ADSS2: variants seen among roughly 807,000 people sequenced by gnomAD.
ADSS2 encodes the protein adenylosuccinate synthase 2, also known as adenylosuccinate synthetase isozyme 2.
In ADSS2, 30 loss-of-function variants were observed where a neutral mutation model predicts 60.0. The ratio of observed to expected loss-of-function variants is 0.50; its 90% CI spans 0.37 to 0.68. The LOEUF (loss-of-function observed/expected upper bound fraction) is 0.68, where lower values mean the gene tolerates loss of function less well. ADSS2 is among the 30% of genes least tolerant of loss of function. The probability of loss-of-function intolerance (pLI) is 0.00; values close to 1 mark genes in which losing one functional copy is unlikely to be tolerated. For synonymous variants in ADSS2, 187 were observed against 193.1 expected, an observed-to-expected ratio of 0.97 and a Z score of 0.26; for missense variants, 373 against 554.8, an observed-to-expected ratio of 0.67 and a Z score of 3.29.
At chr1:244,421,874 TGAG>T (rs1282380852) in intron 7 of ADSS2, among the ~76,000 whole-genome samples, 1 of 152,058 alleles carries the variant, frequency 6.6e-6, no homozygotes, top group South Asian at 2.1e-4. Flanking sequence ...CTCGGGAGGC[TGAG>T]GAGGGAGGAT....
intron 1 of ADSS2, among the ~76,000 whole-genome samples, chr1:244,441,059 T>TC (rs1665229016): frequency 6.7e-6 from 1 of 148,416 alleles, no homozygotes; most frequent in Non-Finnish European, 1.5e-5. Flanking sequence ...CTTAACTTAG[T>TC]CTTTTTTTTT....
At chr1:244,424,426 A>G in intron 4 of ADSS2, 39 bp from the exon 5 acceptor site, 1 of 1,579,782 alleles carries the variant, frequency 6.3e-7, no homozygotes, top group South Asian at 1.1e-5. Context: ...AAACAAAGAT[A>G]ATACACAAAA....
In ADSS2 at chr1:244,432,574, C is replaced by CT; in HGVS notation, c.376dup (p.Arg126LysfsTer6). On this transcript the variant is annotated frameshift_variant, in exon 4 of 13. Transcript: ENST00000366535. LOFTEE classifies it high-confidence loss of function. Reference sequence around the variant, plus strand: ...ATGAGCTCTGTCAGATATAATAAGCCTTTTTTCCCAGCCTTCTAGTCCTAG... The same window carrying CT: ...ATGAGCTCTGTCAGATATAATAAGCCTTTTTTTCCCAGCCTTCTAGTCCTAG... 2 of 1,578,788 alleles carry CT rather than the reference C, an allele frequency of 1.3e-6. No homozygotes were observed. The highest frequency in any genetic ancestry group is 1.7e-6 in the Non-Finnish European group (2 of 1,160,224).
intron 3 of ADSS2, among the ~76,000 whole-genome samples, chr1:244,433,281 T>TA (rs1664994484): frequency 6.6e-6 from 1 of 152,142 alleles, no homozygotes; most frequent in Non-Finnish European, 1.5e-5. Flanking sequence ...ACTGAAGCAA[T>TA]CAAGTTTGTA....
At position 244,417,184 on chromosome 1, in the gene ADSS2, G is replaced by T. The variant is rs79169897; in HGVS notation, c.1070+444C>A. ...ATGCTGTTATATAGATTTCAGAGAG[G>T]ATAAAACAGAGGCAGAGGATGATTA... On this transcript the variant is annotated intron_variant, in intron 10 of 12. Transcript: ENST00000366535. Among the ~76,000 whole-genome samples, 44 of 152,248 alleles carry T rather than the reference G, an allele frequency of 2.9e-4. No homozygotes were observed. The East Asian group carries it at 7.9e-3, about 27-fold the overall frequency.
At chr1:244,437,107 AAT>A (rs1171912021) in intron 2 of ADSS2, among the ~76,000 whole-genome samples, 1 of 152,212 alleles carries the variant, frequency 6.6e-6, no homozygotes, top group Non-Finnish European at 1.5e-5. Flanking sequence ...AACAAAGTGA[AAT>A]ATGATTTTGA....
chr1:244,411,923 G>A lies in ADSS2; in HGVS notation c.1169-487C>T, dbSNP rs78674271. Among the ~76,000 whole-genome samples, 416 of 152,242 alleles carry A rather than the reference G, an allele frequency of 2.7e-3. 1 individual carries two copies. Among genetic ancestry groups the A allele is most frequent in the African/African-American group, 9.5e-3 (396 of 41,532 alleles). ...TTCTCTGTATCCCCTAATGGAAACT[G>A]AACATGTACTAAAGAAAAGTTTCTT... On this transcript the variant is annotated intron_variant, in intron 11 of 12. Coordinates refer to ENST00000366535, the MANE Select transcript of ADSS2 (RefSeq NM_001126.5).
In ADSS2 at chr1:244,451,435, C is replaced by T. The variant is rs563961591; in HGVS notation, c.183+200G>A. ...TCCTCCAGGGCCACCCCAAGTTTCA[C>T]CCGACGCTCCAGGTCAGGGGTCCCC... On this transcript the variant is annotated intron_variant, in intron 1 of 12. Coordinates refer to ENST00000366535, the MANE Select transcript of ADSS2 (RefSeq NM_001126.5). The surrounding 1 kb of genome is among the most constrained non-coding windows in gnomAD (Gnocchi z 6.6). Among the ~76,000 whole-genome samples the T allele has an allele frequency of 2.0e-5, 3 of 152,348 alleles. No individual in the cohort carries two copies. Among genetic ancestry groups the T allele is most frequent in the South Asian group, 4.1e-4 (2 of 4,830 alleles).
rs779396085 is a variant in ADSS2, at chr1:244,411,370, A to G, written c.1235T>C (p.Ile412Thr). ...TTCTTTAAACGCCCTTGCATTTGATATGTCTGTGTTCCATCCTGGGAGAGT... is the reference window on the plus strand; with the variant it reads ...TTCTTTAAACGCCCTTGCATTTGATGTGTCTGTGTTCCATCCTGGGAGAGT... ...YKTLPGWNTDISNARAFKELP... is the reference protein window; with the variant it reads ...YKTLPGWNTDTSNARAFKELP... Residue 412 changes from isoleucine (I) to threonine (T), a missense_variant, in exon 12 of 13, where the codon ATA (isoleucine) becomes ACA (threonine). Ile to Thr is a moderately conservative substitution (Grantham distance 89). This residue lies in a region of ADSS2 where 130 missense variants were observed against 169.4 expected (regional missense o/e 0.77). Coordinates refer to ENST00000366535, the MANE Select transcript of ADSS2 (RefSeq NM_001126.5). 5.0e-6 allele frequency: 8 copies of G among 1,613,830 alleles called. No homozygotes were observed. The East Asian group carries it at 1.8e-4, about 36-fold the overall frequency.
In ADSS2 at chr1:244,451,621, C is replaced by A. The variant is rs548684956; in HGVS notation, c.183+14G>T. The A allele has an allele frequency of 3.7e-6, 6 of 1,600,722 alleles. No homozygotes were observed. In the South Asian group the frequency reaches 5.6e-5, roughly 15 times the overall value. The stretch of plus-strand genomic sequence containing the variant: ...CCCGGGCCCGGCTTCCCATGAGAGG[C>A]CCCGTCGCCTCACCTGGCAGCGGCA... On this transcript the variant is annotated intron_variant, in intron 1 of 12. Coordinates refer to ENST00000366535, the MANE Select transcript of ADSS2 (RefSeq NM_001126.5). This position sits in a 1 kb window ranked among gnomAD's most constrained non-coding sequence, Gnocchi z 6.6.
chr1:244,425,406 AATT>A (rs1272553767), intron 4 of ADSS2, among the ~76,000 whole-genome samples: 1 of 152,192 alleles, frequency 6.6e-6, no homozygotes, highest in African/African-American at 2.4e-5. Context: ...GTTTCCAAAT[AATT>A]AAGTTGAAAT....
rs1489950625 is a variant in ADSS2, at chr1:244,422,809, A to C, written c.663+26T>G. ...ATTTGGCAAACAAGTATTAAAAAGA[A>C]CATTAAAGATGCCAGAAAGCATTAC... On this transcript the variant is annotated intron_variant, in intron 7 of 12. Transcript: ENST00000366535. 2.6e-6 allele frequency: 4 copies of C among 1,529,212 alleles called. No homozygotes were observed. The South Asian group carries it at 4.6e-5, about 17-fold the overall frequency. The allele number at this position is 1,529,212 out of a possible 1,614,324, so 94.7% of individuals were successfully genotyped here. A position where few individuals can be genotyped will look rare whatever the true frequency, so the allele number is the denominator to read the frequency against.
chr1:244,434,174 C>T (rs1438880429), intron 3 of ADSS2, among the ~76,000 whole-genome samples: 3 of 145,208 alleles, frequency 2.1e-5, no homozygotes, highest in Admixed American at 6.9e-5. Flanking sequence ...AAGACCCCAT[C>T]TCTACAAAAA....
At chr1:244,424,133 G>A in intron 5 of ADSS2, 73 bp from the exon 6 acceptor site, 2 of 1,316,882 alleles carry the variant, frequency 1.5e-6, no homozygotes, top group Admixed American at 2.3e-5. Context: ...TCATTGCAGT[G>A]AATAAAGTTA....
chr1:244,447,599 T>A (rs1190993485), intron 1 of ADSS2, among the ~76,000 whole-genome samples: 2 of 152,144 alleles, frequency 1.3e-5, no homozygotes, highest in African/African-American at 2.4e-5. Context: ...AGGAGATACA[T>A]GAAAAAGATA....
chr1:244,418,977 T>A lies in ADSS2; in HGVS notation c.791-63A>T. 3 of 1,397,658 alleles carry A rather than the reference T, an allele frequency of 2.1e-6. No homozygotes were observed. The East Asian group carries it at 7.5e-5, about 35-fold the overall frequency. 86.6% of individuals were successfully genotyped at this position (1,397,658 alleles called of 1,614,324 possible). Reference sequence around the variant, plus strand: ...ATGAATAACACATTTTAAAACAGAATTACCGTTACAATTCTGCATTTGAGT... The same window carrying A: ...ATGAATAACACATTTTAAAACAGAAATACCGTTACAATTCTGCATTTGAGT... On this transcript the variant is annotated intron_variant, in intron 8 of 12. Transcript: ENST00000366535.
intron 1 of ADSS2, among the ~76,000 whole-genome samples, chr1:244,447,475 A>G (rs1208163532): frequency 6.6e-6 from 1 of 152,206 alleles, no homozygotes; most frequent in East Asian, 1.9e-4. Context: ...ACAGGATACT[A>G]TATTTACTAA....
At chr1:244,448,767 T>G (rs1167063142) in intron 1 of ADSS2, among the ~76,000 whole-genome samples, 4 of 152,190 alleles carry the variant, frequency 2.6e-5, no homozygotes, top group Non-Finnish European at 5.9e-5. Context: ...GTCCCATACT[T>G]TAACCTCTTG....
Position 244,422,880 on chromosome 1 carries a change from G to A in ADSS2, c.618C>T (p.Tyr206=). ...CTTCAATGTCTATTTCCAAAGTGGG[G>A]TATATAGATTTGTATTGGTTAGCTA... ...KVLANQYKSI[Y]PTLEIDIEGE... Residue 206 remains tyrosine (Y), a synonymous_variant, in exon 7 of 13, where the codon TAC becomes TAT. Coordinates refer to ENST00000366535, the MANE Select transcript of ADSS2 (RefSeq NM_001126.5). 6.3e-7 allele frequency: 1 copy of A among 1,598,950 alleles called. No homozygotes were observed. Among genetic ancestry groups the A allele is most frequent in the Non-Finnish European group, 8.6e-7 (1 of 1,166,808 alleles).
Sources: gnomAD v4.1 joint callset for allele counts (sites outside exome capture counted in the v4.1 genomes callset) on GRCh38, gnomAD v4.1.1 for gene constraint, gnomAD v4.1.1 regional missense constraint, Gnocchi (gnomAD v3.1) non-coding constraint, MANE v1.5 for transcripts, NCBI Gene and HGNC (gene_info 2026-07-23, HGNC 2026-07-21) for gene names.